TXNDC11: variants seen among roughly 807,000 people sequenced by gnomAD.
TXNDC11 encodes thioredoxin domain-containing protein 11.
TXNDC11 carries 68 observed loss-of-function variants against 78.0 expected under a neutral mutation model. The ratio of observed to expected loss-of-function variants is 0.87; its 90% CI spans 0.72 to 1.07. The LOEUF (loss-of-function observed/expected upper bound fraction) is 1.07. Ranked by LOEUF, TXNDC11 falls within the 50% of genes least tolerant of loss-of-function variation. The pLI is 0.00. For synonymous variants in TXNDC11, 571 were observed against 495.2 expected, an observed-to-expected ratio of 1.15 and a Z score of -2.03; for missense variants, 1,389 against 1,221.8, an observed-to-expected ratio of 1.14 and a Z score of -2.04.
At chr16:11,686,928 T>C (rs928521518) in intron 10 of TXNDC11, among the ~76,000 whole-genome samples, 3 of 152,204 alleles carry the variant, frequency 2.0e-5, no homozygotes, top group African/African-American at 7.2e-5. Context: ...TAGCACTTTC[T>C]TTTTTTAACT....
intron 4 of TXNDC11, among the ~76,000 whole-genome samples, chr16:11,724,801 A>C (rs2051826224): frequency 6.6e-6 from 1 of 152,136 alleles, no homozygotes; most frequent in South Asian, 2.1e-4. Flanking sequence ...GCTGGCGTGC[A>C]GTGGCGTGAT....
chr16:11,707,454 A>G (rs866265193), intron 5 of TXNDC11, among the ~76,000 whole-genome samples: 1 of 148,720 alleles, frequency 6.7e-6, no homozygotes, highest in Admixed American at 6.7e-5. Flanking sequence ...ATTTTTCCCA[A>G]TTTTTTTTTT....
rs1351124998 is a variant in TXNDC11, at chr16:11,742,804, C to G, written c.-74G>C. On this transcript the variant is annotated 5_prime_UTR_variant, in exon 1 of 12. Coordinates refer to ENST00000283033, the MANE Select transcript of TXNDC11 (RefSeq NM_015914.7). ...CGAAGGCCCGGCCCGGCCCGTTGCTCCCCAATCCCGCAGCTCGCCGCACCC... is the reference window on the plus strand; with the variant it reads ...CGAAGGCCCGGCCCGGCCCGTTGCTGCCCAATCCCGCAGCTCGCCGCACCC... 6 of 1,383,882 alleles carry G rather than the reference C, an allele frequency of 4.3e-6. No individual in the cohort carries two copies. Among genetic ancestry groups the G allele is most frequent in the Non-Finnish European group, 5.6e-6 (6 of 1,074,670 alleles). 85.7% of individuals were successfully genotyped at this position (1,383,882 alleles called of 1,614,324 possible). A position where few individuals can be genotyped will look rare whatever the true frequency, so the allele number is the denominator to read the frequency against.
At chr16:11,684,058 G>T in intron 11 of TXNDC11, 107 bp downstream of exon 11, 1 of 798,130 alleles carries the variant, frequency 1.3e-6, no homozygotes, top group Non-Finnish European at 2.1e-6. Context: ...GTTCCTAAGG[G>T]AACATTTTTT....
At chr16:11,720,316 T>C (rs1375598411) in intron 5 of TXNDC11, among the ~76,000 whole-genome samples, 2 of 152,130 alleles carry the variant, frequency 1.3e-5, no homozygotes, top group African/African-American at 4.8e-5. Context: ...TCAGAAGAAA[T>C]GTATTGCTAA....
chr16:11,719,890 G>C (rs906132879), intron 5 of TXNDC11, among the ~76,000 whole-genome samples: 1 of 152,218 alleles, frequency 6.6e-6, no homozygotes, highest in African/African-American at 2.4e-5. Context: ...CGATATTTGG[G>C]CTGGGCCCTG....
At position 11,707,622 on chromosome 16, in the gene TXNDC11, T is replaced by G. The variant is rs56297606; in HGVS notation, c.794-7058A>C. Among the ~76,000 whole-genome samples, 2 of 151,714 alleles carry G rather than the reference T, an allele frequency of 1.3e-5. 1 individual carries two copies. Among genetic ancestry groups the G allele is most frequent in the South Asian group, 4.2e-4 (2 of 4,812 alleles). On this transcript the variant is annotated intron_variant, in intron 5 of 11. Transcript: ENST00000283033. ...CACCACCATGCCCAGCTAATTTTTA[T>G]ATTTTTAGTACAGACAGAGTTTCAC...
Position 11,733,056 on chromosome 16 carries a change from G to A in TXNDC11, c.569+926C>T, listed in dbSNP as rs538656708. ...GCTGTACTCTAGTACAGCCTAGGTC[G>A]AGACCAGCCTGGCAACATGGTAAAA... On this transcript the variant is annotated intron_variant, in intron 3 of 11. Transcript: ENST00000283033. Among the ~76,000 whole-genome samples the A allele has an allele frequency of 3.9e-4, 60 of 152,140 alleles. 1 individual carries two copies. Among genetic ancestry groups the A allele is most frequent in the South Asian group, 2.1e-4 (1 of 4,806 alleles).
chr16:11,735,556 A>G (rs1197635851), intron 2 of TXNDC11, among the ~76,000 whole-genome samples: 1 of 152,178 alleles, frequency 6.6e-6, no homozygotes, highest in Non-Finnish European at 1.5e-5. Context: ...TTATTTGCCT[A>G]TATATCTTTC....
intron 5 of TXNDC11, among the ~76,000 whole-genome samples, chr16:11,706,420 A>C (rs1466481329): frequency 6.6e-6 from 1 of 152,218 alleles, no homozygotes; most frequent in African/African-American, 2.4e-5. Flanking sequence ...CTGTGCACAC[A>C]GGCACCATCT....
intron 5 of TXNDC11, among the ~76,000 whole-genome samples, chr16:11,709,744 C>G (rs1010602849): frequency 6.6e-6 from 1 of 152,014 alleles, no homozygotes; most frequent in African/African-American, 2.4e-5. Flanking sequence ...AGCTGTGATT[C>G]TTTCTGTATG....
At chr16:11,731,270 T>C (rs779115014) in intron 3 of TXNDC11, among the ~76,000 whole-genome samples, 3 of 152,206 alleles carry the variant, frequency 2.0e-5, no homozygotes, top group Non-Finnish European at 4.4e-5. Flanking sequence ...AAAGGATCAC[T>C]GAATGAACCT....
At position 11,742,718 on chromosome 16, in the gene TXNDC11, C is replaced by G. The variant is rs2052447205; in HGVS notation, c.13G>C (p.Gly5Arg). 6.7e-7 allele frequency: 1 copy of G among 1,483,644 alleles called. No individual in the cohort carries two copies. The allele number at this position is 1,483,644 out of a possible 1,614,324, so 91.9% of individuals were successfully genotyped here. A position where few individuals can be genotyped will look rare whatever the true frequency, so the allele number is the denominator to read the frequency against. Residue 5 changes from glycine (G) to arginine (R), a missense_variant, in exon 1 of 12, where the codon GGA becomes CGA. Physicochemically the swap from Gly to Arg is moderately radical, Grantham distance 125. Transcript: ENST00000283033. ...CTGCTGCTGCCGCCGCCGCGGCCTC[C>G]GCATTCCGACATTACATGCTCCCAG... MSEC[G>R]GRGGGSSSSE...
chr16:11,683,355 T>C (rs2050481373), intron 11 of TXNDC11, among the ~76,000 whole-genome samples: 1 of 152,168 alleles, frequency 6.6e-6, no homozygotes, highest in African/African-American at 2.4e-5. Context: ...TCTGCACGCA[T>C]GGGAGAAAAC....
chr16:11,735,674 T>A (rs1284570323), intron 2 of TXNDC11, among the ~76,000 whole-genome samples: 1 of 152,194 alleles, frequency 6.6e-6, no homozygotes, highest in East Asian at 1.9e-4. Context: ...TACATTTTCT[T>A]ACCTAAAATA....
chr16:11,742,380 T>C, intron 1 of TXNDC11, 97 bp downstream of exon 1: 1 of 1,061,486 alleles, frequency 9.4e-7, no homozygotes, highest in Non-Finnish European at 1.2e-6. Context: ...CAGGCCCGAC[T>C]TCCCCGGCTG....
At chr16:11,702,487 G>A (rs1269178627) in intron 5 of TXNDC11, among the ~76,000 whole-genome samples, 2 of 152,154 alleles carry the variant, frequency 1.3e-5, no homozygotes, top group South Asian at 2.1e-4. Flanking sequence ...GGCCAACATG[G>A]TGAAACCCTG....
intron 10 of TXNDC11, among the ~76,000 whole-genome samples, chr16:11,687,163 A>G (rs2050588428): frequency 6.6e-6 from 1 of 151,236 alleles, no homozygotes; most frequent in African/African-American, 2.4e-5. Context: ...TTCTCTCTTT[A>G]TTTTTCCAAC....
In TXNDC11 at chr16:11,725,360, A is replaced by G. The variant is rs996363475; in HGVS notation, c.700-3690T>C. The stretch of plus-strand genomic sequence containing the variant: ...TTATTCTTTTAAGTATTCATTTAGA[A>G]AAAAAAAAAAGCTAACAGCCAAATT... On this transcript the variant is annotated intron_variant, in intron 4 of 11. Transcript: ENST00000283033. Among the ~76,000 whole-genome samples the G allele has an allele frequency of 1.6e-3, 69 of 42,782 alleles. 3 individuals are homozygous for G. The highest frequency in any genetic ancestry group is 2.4e-3 in the Non-Finnish European group (41 of 17,286). The allele number at this position is 42,782 out of a possible 152,430, so 28.1% of individuals were successfully genotyped here. A position where few individuals can be genotyped will look rare whatever the true frequency, so the allele number is the denominator to read the frequency against.
Sources: gnomAD v4.1 joint callset for allele counts (sites outside exome capture counted in the v4.1 genomes callset) on GRCh38, gnomAD v4.1.1 for gene constraint, MANE v1.5 for transcripts, NCBI Gene and HGNC (gene_info 2026-07-23, HGNC 2026-07-21) for gene names.